RNF17: variants seen among roughly 807,000 people sequenced by gnomAD.
RNF17 encodes ring finger protein 17.
A neutral mutation model predicts 200.5 loss-of-function variants in RNF17; 31 were observed. The ratio of observed to expected loss-of-function variants is 0.15; its 90% CI spans 0.12 to 0.21. The LOEUF is 0.21. RNF17 is among the 10% of genes least tolerant of loss of function. RNF17 has a pLI of 1.00. For missense variants in RNF17, 1,628 were observed against 1,905.1 expected, an observed-to-expected ratio of 0.85 and a Z score of 2.71; for synonymous variants, 606 against 637.8, an observed-to-expected ratio of 0.95 and a Z score of 0.75.
At chr13:24,795,009 G>A (rs192038102) in intron 10 of RNF17, among the ~76,000 whole-genome samples, 4 of 152,282 alleles carry the variant, frequency 2.6e-5, no homozygotes, top group Admixed American at 1.3e-4. Context: ...GTGAGCCATC[G>A]TGCGCAGCCA....
chr13:24,821,974 A>G (rs995062960), intron 15 of RNF17, among the ~76,000 whole-genome samples: 11 of 152,204 alleles, frequency 7.2e-5, no homozygotes, highest in African/African-American at 2.7e-4. Context: ...AGAAAGGAGA[A>G]CAGCTCTGTC....
intron 30 of RNF17, among the ~76,000 whole-genome samples, chr13:24,867,046 A>G (rs928462536): frequency 1.3e-5 from 2 of 152,028 alleles, no homozygotes; most frequent in African/African-American, 4.8e-5. Context: ...TCATGTGCCT[A>G]TTGGATATAT....
At chr13:24,782,614 G>GA (rs397716348) in intron 6 of RNF17, among the ~76,000 whole-genome samples, 34 of 150,088 alleles carry the variant, frequency 2.3e-4, no homozygotes, top group African/African-American at 6.9e-4. Context: ...ATGGGGGGGG[G>GA]ATCTTTGAGC....
At chr13:24,826,714 A>G (rs1338908007) in intron 16 of RNF17, among the ~76,000 whole-genome samples, 4 of 148,186 alleles carry the variant, frequency 2.7e-5, no homozygotes, top group South Asian at 2.2e-4. Flanking sequence ...TGGAGGTTGC[A>G]GTGAGCTGGG....
chr13:24,817,861 A>G (rs557994496), intron 15 of RNF17, among the ~76,000 whole-genome samples: 4 of 151,906 alleles, frequency 2.6e-5, no homozygotes, highest in Non-Finnish European at 5.9e-5. Flanking sequence ...TCAAATAATC[A>G]ACTTTTGGCT....
chr13:24,776,348 C>T (rs1278040904), intron 3 of RNF17, among the ~76,000 whole-genome samples: 5 of 152,162 alleles, frequency 3.3e-5, no homozygotes, highest in Non-Finnish European at 7.4e-5. Flanking sequence ...TGGCACTTCA[C>T]ATTACCACCG....
At position 24,843,874 on chromosome 13, in the gene RNF17, T is replaced by C. The variant is rs1890957891; in HGVS notation, c.2734T>C (p.Ser912Pro). The C allele has an allele frequency of 1.2e-6, 2 of 1,602,490 alleles. No individual in the cohort carries two copies. Residue 912 changes from serine (S) to proline (P), a missense_variant, in exon 20 of 36, where the codon TCA (serine) becomes CCA (proline). By Grantham distance (74) the Ser-to-Pro change is moderately conservative (BLOSUM62 -1). Transcript: ENST00000255324. ...AKSLPNENFQ[S>P]LYNKELPVHI... ...ATCTCTACCTAATGAGAATTTTCAG[T>C]CACTTTATAATAAGGAATTGCCTGT...
chr13:24,874,829 C>CCTG (rs1894685484), intron 33 of RNF17, among the ~76,000 whole-genome samples: 1 of 152,200 alleles, frequency 6.6e-6, no homozygotes, highest in Non-Finnish European at 1.5e-5. Flanking sequence ...AGAAACCCTG[C>CCTG]ACCTGTTAAG....
At chr13:24,778,237 G>T in intron 3 of RNF17, 58 bp from the exon 4 acceptor site, 1 of 1,176,860 alleles carries the variant, frequency 8.5e-7, no homozygotes. Context: ...ACTCTGGCCT[G>T]GGTGACAGAG....
chr13:24,815,178 C>T (rs749920628), intron 15 of RNF17, among the ~76,000 whole-genome samples: 11 of 152,080 alleles, frequency 7.2e-5, no homozygotes, highest in East Asian at 3.8e-4. Flanking sequence ...CCATGAACAC[C>T]GGATTTTTTT....
intron 32 of RNF17, among the ~76,000 whole-genome samples, chr13:24,872,335 TTAGTC>T (rs1894382289): frequency 6.6e-6 from 1 of 152,134 alleles, no homozygotes; most frequent in Admixed American, 6.6e-5. Flanking sequence ...TCTTTATTCA[TTAGTC>T]AAGTATTTTA....
downstream of RNF17, among the ~76,000 whole-genome samples, chr13:24,881,860 A>ATACATC (rs1450722806): frequency 1.9e-5 from 2 of 104,526 alleles, no homozygotes; most frequent in Non-Finnish European, 4.3e-5. Context: ...ATCTATATAG[A>ATACATC]TATATAGATA....
rs187279260 is a variant in RNF17 at position 24,871,827 on chromosome 13, T to C, written c.4447+1088T>C. On this transcript the variant is annotated intron_variant, in intron 32 of 35. Coordinates refer to ENST00000255324, the MANE Select transcript of RNF17 (RefSeq NM_031277.3). ...TTTGTATTTTTAGTAGAGACAGGGT[T>C]TCACTATCTTGGCCGGTCTGGTCTC... 3.3e-5 allele frequency among the ~76,000 whole-genome samples: 5 copies of C among 152,224 alleles called. No individual in the cohort carries two copies. The East Asian group carries it at 9.7e-4, about 29-fold the overall frequency.
At position 24,832,997 on chromosome 13, in the gene RNF17, C is replaced by T. The variant is rs181600771; in HGVS notation, c.2482+1019C>T. Among the ~76,000 whole-genome samples, 443 of 152,264 alleles carry T rather than the reference C, an allele frequency of 2.9e-3. 1 individual carries two copies. The highest frequency in any genetic ancestry group is 0.01 in the African/African-American group (423 of 41,550). On this transcript the variant is annotated intron_variant, in intron 18 of 35. Coordinates refer to ENST00000255324, the MANE Select transcript of RNF17 (RefSeq NM_031277.3). ...TTGGGCTCAAGCGATCCTCCCTCCT[C>T]GGCCTCCCAAAGTTCTGGGATTACA...
At chr13:24,827,771 T>C (rs9507417) in intron 16 of RNF17, among the ~76,000 whole-genome samples, 33,903 of 144,772 alleles carry the variant, frequency 0.23, 4,380 homozygotes, top group Non-Finnish European at 0.3. Context: ...TCTAAAAAAG[T>C]CCAAGATCAA....
At chr13:24,815,522 C>T (rs1887290258) in intron 15 of RNF17, among the ~76,000 whole-genome samples, 1 of 150,768 alleles carries the variant, frequency 6.6e-6, no homozygotes, top group Non-Finnish European at 1.5e-5. Context: ...CATCCATGAA[C>T]AGAGATATTT....
chr13:24,843,474 C>T (rs906243114), intron 19 of RNF17, among the ~76,000 whole-genome samples: 1 of 152,030 alleles, frequency 6.6e-6, no homozygotes, highest in Non-Finnish European at 1.5e-5. Flanking sequence ...GCCAAGATCA[C>T]ATCACTGCAC....
chr13:24,844,890 G>A (rs984954025), intron 21 of RNF17, 71 bp from the exon 22 acceptor site: 1 of 1,557,200 alleles, frequency 6.4e-7, no homozygotes, highest in African/African-American at 1.4e-5. Flanking sequence ...TTTTCATTGA[G>A]TTTTTCAGTT....
upstream of RNF17, among the ~76,000 whole-genome samples, chr13:24,763,199 C>A (rs7328244): frequency 0.017 from 2,386 of 138,242 alleles, 72 homozygotes; most frequent in African/African-American, 0.059. Context: ...CAAGTTGCTT[C>A]AACTCTTTTT....
Sources: allele counts gnomAD v4.1 joint callset (sites outside exome capture counted in the v4.1 genomes callset), GRCh38; gene constraint gnomAD v4.1.1; transcripts MANE v1.5; gene names NCBI Gene and HGNC (gene_info 2026-07-23, HGNC 2026-07-21).